Variants in MECOM observed in about 807,000 individuals in gnomAD.
The protein encoded by MECOM is MDS1 and EVI1 complex locus, also known as histone-lysine N-methyltransferase MECOM.
In MECOM, 13 loss-of-function variants were observed where a neutral mutation model predicts 116.3. The ratio of observed to expected loss-of-function variants is 0.11; its 90% CI spans 0.07 to 0.18. The LOEUF (loss-of-function observed/expected upper bound fraction) is 0.18. Ranked by LOEUF, MECOM falls within the 10% of genes least tolerant of loss-of-function variation. MECOM has a pLI of 1.00. For missense variants in MECOM, 1,299 were observed against 1,509.0 expected (o/e 0.86, Z 2.31); for synonymous variants, 528 against 535.2 (o/e 0.99, Z 0.19).
At chr3:169,284,145 C>A (rs1712760995) in intron 2 of MECOM, among the ~76,000 whole-genome samples, 1 of 152,188 alleles carries the variant, frequency 6.6e-6, no homozygotes. Context: ...CAAGACTCTG[C>A]CCAAGGAGAG....
At chr3:169,295,161 C>G (rs1345978688) in intron 2 of MECOM, among the ~76,000 whole-genome samples, 2 of 152,154 alleles carry the variant, frequency 1.3e-5, no homozygotes, top group Admixed American at 6.5e-5. Flanking sequence ...TGGCTTTGAA[C>G]CTCCTGTCCC....
rs3042766 is a variant in MECOM at position 169,473,899 on chromosome 3, T to TATAG, written c.38-92379_38-92376dup. ...ATATATATGTAGTATTCATTATATC[T>TATAG]ATAGATAGATAGATAGATAGATAAT... is the stretch of plus-strand genomic sequence containing the variant. On this transcript the variant is annotated intron_variant, in intron 1 of 16. Coordinates refer to ENST00000651503, the MANE Select transcript of MECOM (RefSeq NM_004991.4). Among the ~76,000 whole-genome samples, 1,037 of 152,002 alleles carry TATAG rather than the reference T, an allele frequency of 6.8e-3. 6 individuals carry two copies. The highest frequency in any genetic ancestry group is 0.021 in the African/African-American group (856 of 41,382).
chr3:169,107,155 G>T (rs73167905), intron 10 of MECOM, among the ~76,000 whole-genome samples: 9,582 of 152,168 alleles, frequency 0.063, 446 homozygotes, highest in South Asian at 0.2. Context: ...TCATTCATCA[G>T]AAATCAGCAT....
At chr3:169,089,304 A>G (rs1052627436) in intron 15 of MECOM, 121 bp from the exon 16 acceptor site, 75 of 586,662 alleles carry the variant, frequency 1.3e-4, no homozygotes, top group Non-Finnish European at 1.7e-4. Context: ...AAGGTAAAGT[A>G]GCATGCATCA....
chr3:169,259,272 CAT>C (rs946658121), intron 2 of MECOM, among the ~76,000 whole-genome samples: 25 of 152,250 alleles, frequency 1.6e-4, no homozygotes, highest in Non-Finnish European at 3.1e-4. Context: ...TACAACTGTT[CAT>C]AGTTAAATCA....
Position 169,084,787 on chromosome 3 carries a change from A to C in MECOM, c.*122T>G. ...AAATCATTCAGTTTAAGGTCACTAG[A>C]CTTTAGATGAGTGACCCTGCAGGTT... On this transcript the variant is annotated 3_prime_UTR_variant, in exon 17 of 17. Transcript: ENST00000651503. 9.8e-7 allele frequency: 1 copy of C among 1,017,056 alleles called. No individual in the cohort carries two copies. Among genetic ancestry groups the C allele is most frequent in the Non-Finnish European group, 1.5e-6 (1 of 686,036 alleles). The allele number at this position is 1,017,056 out of a possible 1,614,324, so 63.0% of individuals were successfully genotyped here.
intron 1 of MECOM, among the ~76,000 whole-genome samples, chr3:169,581,205 C>A (rs138468617): frequency 1.0e-3 from 153 of 152,278 alleles, no homozygotes; most frequent in Middle Eastern, 3.4e-3. Flanking sequence ...CTCTGATATT[C>A]CATATTGTCC....
intron 2 of MECOM, among the ~76,000 whole-genome samples, chr3:169,270,869 C>G (rs1758858116): frequency 6.6e-6 from 1 of 152,054 alleles, no homozygotes; most frequent in Admixed American, 6.5e-5. Flanking sequence ...AAAGTTGAAG[C>G]TATAAGAAAA....
At chr3:169,642,165 A>G (rs981772044) in intron 1 of MECOM, among the ~76,000 whole-genome samples, 1 of 152,220 alleles carries the variant, frequency 6.6e-6, no homozygotes, top group Non-Finnish European at 1.5e-5. Context: ...ATCTAACAAA[A>G]TGGCATAAAG....
intron 3 of MECOM, among the ~76,000 whole-genome samples, chr3:169,136,512 A>G (rs1736421930): frequency 6.6e-6 from 1 of 151,970 alleles, no homozygotes; most frequent in Non-Finnish European, 1.5e-5. Context: ...CCAAGATGAC[A>G]GCAGTAAAGC....
At chr3:169,111,057 T>C (rs1339967686) in intron 9 of MECOM, among the ~76,000 whole-genome samples, 2 of 152,194 alleles carry the variant, frequency 1.3e-5, no homozygotes, top group Admixed American at 6.5e-5. Flanking sequence ...GAATGAATGG[T>C]TGACAAAACT....
chr3:169,517,553 T>C (rs1420247554), intron 1 of MECOM, among the ~76,000 whole-genome samples: 1 of 152,206 alleles, frequency 6.6e-6, no homozygotes, highest in Non-Finnish European at 1.5e-5. Context: ...CTATTTCTAA[T>C]AGACTATTTT....
intron 1 of MECOM, among the ~76,000 whole-genome samples, chr3:169,525,762 C>T (rs370652319): frequency 5.9e-5 from 9 of 152,310 alleles, no homozygotes; most frequent in East Asian, 5.8e-4. Flanking sequence ...GGCGTGATGG[C>T]TCACGCCTGT....
chr3:169,426,856 A>G (rs1348988818), intron 1 of MECOM, among the ~76,000 whole-genome samples: 2 of 152,196 alleles, frequency 1.3e-5, no homozygotes, highest in Non-Finnish European at 2.9e-5. Context: ...AGAATGTAGG[A>G]GGAAGAGACT....
intron 8 of MECOM, among the ~76,000 whole-genome samples, chr3:169,113,550 C>A (rs1728133185): frequency 6.6e-6 from 1 of 151,734 alleles, no homozygotes; most frequent in South Asian, 2.1e-4. Context: ...GAATGGGGAG[C>A]TTTCTGAAGA....
At chr3:169,392,311 A>T (rs1020206361) in intron 1 of MECOM, among the ~76,000 whole-genome samples, 6 of 152,220 alleles carry the variant, frequency 3.9e-5, no homozygotes, top group Non-Finnish European at 8.8e-5. Flanking sequence ...CAGATGTCCC[A>T]GACTTCACTA....
At chr3:169,097,853 T>TA (rs1722212965) in intron 12 of MECOM, among the ~76,000 whole-genome samples, 1 of 77,014 alleles carries the variant, frequency 1.3e-5, no homozygotes, top group Non-Finnish European at 3.1e-5. Context: ...TGGATTCCAC[T>TA]GTCAAGGAGC....
chr3:169,504,290 C>T (rs1317173567), intron 1 of MECOM, among the ~76,000 whole-genome samples: 1 of 151,056 alleles, frequency 6.6e-6, no homozygotes, highest in Non-Finnish European at 1.5e-5. Context: ...TATTAGGCTA[C>T]ATCACTTCAG....
At chr3:169,218,388 T>C (rs1363798329) in intron 2 of MECOM, among the ~76,000 whole-genome samples, 1 of 152,236 alleles carries the variant, frequency 6.6e-6, no homozygotes, top group African/African-American at 2.4e-5. Context: ...TGCACTTGAC[T>C]TGTCAATGTA....
Sources: gnomAD v4.1 joint callset for allele counts (sites outside exome capture counted in the v4.1 genomes callset) on GRCh38, gnomAD v4.1.1 for gene constraint, MANE v1.5 for transcripts, NCBI Gene and HGNC (gene_info 2026-07-23, HGNC 2026-07-21) for gene names.